The following PAN3 variants were observed in gnomAD, a reference collection of about 807,000 sequenced individuals.
PAN3 encodes poly(A) specific ribonuclease subunit PAN3.
Under a neutral mutation model 96.2 loss-of-function variants are expected in PAN3, and 19 were observed. That is an observed-to-expected ratio of 0.20 (90% CI 0.14 to 0.29). The LOEUF (loss-of-function observed/expected upper bound fraction) is 0.29, where lower values mean the gene tolerates loss of function less well. Ranked by LOEUF, PAN3 falls within the 10% of genes least tolerant of loss-of-function variation. PAN3 has a pLI of 1.00. For missense variants in PAN3, 882 were observed against 1,108.1 expected (o/e 0.80, Z 2.90); for synonymous variants, 433 against 406.6 (o/e 1.06, Z -0.78).
At chr13:28,260,312 T>TGAACCCGGGA in intron 7 of PAN3, 135 bp from the exon 8 acceptor site, 1 of 569,948 alleles carries the variant, frequency 1.8e-6, no homozygotes, top group South Asian at 1.9e-5. Flanking sequence ...GAGAATCACT[T>TGAACCCGGGA]GAACCCGGGA....
chr13:28,276,160 T>C (rs773343117), intron 14 of PAN3, among the ~76,000 whole-genome samples: 6 of 152,176 alleles, frequency 3.9e-5, no homozygotes, highest in Non-Finnish European at 8.8e-5. Context: ...CCAGACTAAT[T>C]ATACCAAAAT....
At chr13:28,151,623 T>C (rs1871376274) in intron 1 of PAN3, among the ~76,000 whole-genome samples, 1 of 152,154 alleles carries the variant, frequency 6.6e-6, no homozygotes, top group African/African-American at 2.4e-5. Context: ...GGTTACAGCA[T>C]TGAAAATGGC....
chr13:28,260,207 G>T (rs1885578591), intron 7 of PAN3, among the ~76,000 whole-genome samples: 1 of 151,822 alleles, frequency 6.6e-6, no homozygotes, highest in African/African-American at 2.4e-5. Flanking sequence ...GACCAGCCTG[G>T]CCAACATGGT....
intron 17 of PAN3, among the ~76,000 whole-genome samples, chr13:28,287,218 A>G (rs1869101711): frequency 6.6e-6 from 1 of 152,198 alleles, no homozygotes; most frequent in East Asian, 1.9e-4. Context: ...TTATATACTT[A>G]TATTCACACA....
intron 6 of PAN3, among the ~76,000 whole-genome samples, chr13:28,222,490 G>T (rs1330118840): frequency 1.3e-5 from 2 of 152,014 alleles, no homozygotes; most frequent in Non-Finnish European, 2.9e-5. Context: ...TCTTCATTCA[G>T]ATGACAACTC....
intron 1 of PAN3, among the ~76,000 whole-genome samples, chr13:28,161,707 T>G (rs1383390011): frequency 6.6e-6 from 1 of 152,218 alleles, no homozygotes; most frequent in Non-Finnish European, 1.5e-5. Flanking sequence ...GAACTTGTTC[T>G]CTTCATGACT....
chr13:28,157,307 C>CA (rs932335174), intron 1 of PAN3, among the ~76,000 whole-genome samples: 11 of 152,214 alleles, frequency 7.2e-5, no homozygotes, highest in African/African-American at 2.6e-4. Flanking sequence ...TGGAACAAGA[C>CA]AAGGATGCCT....
intron 5 of PAN3, among the ~76,000 whole-genome samples, chr13:28,197,948 C>T (rs1309101753): frequency 1.3e-5 from 2 of 151,612 alleles, no homozygotes; most frequent in East Asian, 3.9e-4. Context: ...TTTTTACTAC[C>T]CAAGAGTTAT....
At chr13:28,247,325 A>G (rs1355079950) in intron 6 of PAN3, among the ~76,000 whole-genome samples, 1 of 151,982 alleles carries the variant, frequency 6.6e-6, no homozygotes, top group Non-Finnish European at 1.5e-5. Context: ...AGTTCTTTAT[A>G]CTAATCATCA....
chr13:28,212,274 A>G (rs546343626), intron 5 of PAN3, among the ~76,000 whole-genome samples: 1 of 152,328 alleles, frequency 6.6e-6, no homozygotes, highest in South Asian at 2.1e-4. Flanking sequence ...AGTGGGGCCA[A>G]ATTAGCCTTA....
rs529587212 is a variant in PAN3, at chr13:28,287,866, C to G, written c.2385-118C>G. 14 of 923,082 alleles carry G rather than the reference C, an allele frequency of 1.5e-5. No homozygotes were observed. In the African/African-American group the frequency reaches 2.0e-4, roughly 13 times the overall value. The allele number at this position is 923,082 out of a possible 1,614,324, so 57.2% of individuals were successfully genotyped here. On this transcript the variant is annotated intron_variant, in intron 17 of 18. Coordinates refer to ENST00000380958, the MANE Select transcript of PAN3 (RefSeq NM_175854.8). Reference sequence around the variant, plus strand: ...TTTTTTAAAAACACTGTACCAGACTCCCTCCCAATTTTTTGTTTATTGGGA... The same window carrying G: ...TTTTTTAAAAACACTGTACCAGACTGCCTCCCAATTTTTTGTTTATTGGGA...
intron 6 of PAN3, among the ~76,000 whole-genome samples, chr13:28,246,835 T>G (rs1012980318): frequency 2.0e-5 from 3 of 152,156 alleles, no homozygotes; most frequent in African/African-American, 4.8e-5. Flanking sequence ...AATGGACACT[T>G]CAGTTGACTC....
At chr13:28,253,564 C>T (rs1478493428) in intron 6 of PAN3, among the ~76,000 whole-genome samples, 2 of 149,858 alleles carry the variant, frequency 1.3e-5, no homozygotes, top group African/African-American at 4.9e-5. Context: ...TACTGTTGTA[C>T]ATGTTTTATT....
chr13:28,261,532 A>G (rs1885719328), intron 9 of PAN3, 74 bp downstream of exon 9: 2 of 1,373,528 alleles, frequency 1.5e-6, no homozygotes, highest in Non-Finnish European at 2.0e-6. Context: ...TGTTTTATGC[A>G]TTATTAAGAA....
At chr13:28,193,060 A>G (rs1294249610) in intron 4 of PAN3, among the ~76,000 whole-genome samples, 2 of 152,196 alleles carry the variant, frequency 1.3e-5, no homozygotes, top group Non-Finnish European at 2.9e-5. Flanking sequence ...AAATACACCA[A>G]CACTAATGAT....
intron 18 of PAN3, 98 bp from the exon 19 acceptor site, chr13:28,292,283 CA>C (rs11343365): frequency 0.13 from 160,329 of 1,257,902 alleles, 11,463 homozygotes; most frequent in Middle Eastern, 0.15. Context: ...GGGAATGTGA[CA>C]AAAAAAATTT....
At chr13:28,271,054 T>A (rs139791097) in intron 13 of PAN3, among the ~76,000 whole-genome samples, 188 bp downstream of exon 13, 1,558 of 152,164 alleles carry the variant, frequency 0.01, 24 homozygotes, top group African/African-American at 0.035. Context: ...AAATGCCTGG[T>A]TATTAACCAA....
At chr13:28,212,131 CAAG>C (rs1455024773) in intron 5 of PAN3, among the ~76,000 whole-genome samples, 1 of 152,178 alleles carries the variant, frequency 6.6e-6, no homozygotes, top group Non-Finnish European at 1.5e-5. Flanking sequence ...AAGCAGTTGC[CAAG>C]AAGATCACAG....
intron 1 of PAN3, among the ~76,000 whole-genome samples, chr13:28,142,545 A>T (rs2137914338): frequency 7.2e-6 from 1 of 139,636 alleles, no homozygotes; most frequent in East Asian, 2.2e-4. Flanking sequence ...CAGGGACCAC[A>T]GGCACTGGCT....
Sources: gnomAD v4.1 joint callset for allele counts (sites outside exome capture counted in the v4.1 genomes callset) on GRCh38, gnomAD v4.1.1 for gene constraint, MANE v1.5 for transcripts, NCBI Gene and HGNC (gene_info 2026-07-23, HGNC 2026-07-21) for gene names.